Variants in AIMP1 observed in about 807,000 individuals in gnomAD.
AIMP1 encodes the protein aminoacyl tRNA synthase complex-interacting multifunctional protein 1.
AIMP1 carries 24 observed loss-of-function variants against 33.1 expected under a neutral mutation model. The ratio of observed to expected loss-of-function variants is 0.73; its 90% CI spans 0.53 to 1.02. The LOEUF (loss-of-function observed/expected upper bound fraction) is 1.02. Among genes scored for constraint, AIMP1 ranks in the 50% least tolerant of loss-of-function variants. AIMP1 has a pLI of 0.00. For synonymous variants in AIMP1, 120 were observed against 121.5 expected (o/e 0.99, Z 0.08); for missense variants, 367 against 364.8 (o/e 1.01, Z -0.05).
chr4:106,329,983 A>G (rs541525482), intron 4 of AIMP1, among the ~76,000 whole-genome samples: 1 of 151,942 alleles, frequency 6.6e-6, no homozygotes, highest in Admixed American at 6.6e-5. Flanking sequence ...GGGGTTCACC[A>G]TATTGGTCAG....
chr4:106,329,772 CTTTTTTTTTTTTTTTTTTT>C (rs59016309), intron 4 of AIMP1, among the ~76,000 whole-genome samples: 2 of 53,064 alleles, frequency 3.8e-5, no homozygotes, highest in Non-Finnish European at 3.8e-5. Context: ...TGCTACATAT[CTTTTTTTTTTTTTTTTTTT>C]TTTTTTTTTT....
At chr4:106,324,362 C>T (rs1446184470) in intron 1 of AIMP1, among the ~76,000 whole-genome samples, 3 of 151,932 alleles carry the variant, frequency 2.0e-5, no homozygotes, top group Non-Finnish European at 4.4e-5. Context: ...TGCTTACATA[C>T]ATTTTTCTGT....
Position 106,348,521 on chromosome 4 carries a change from T to C in AIMP1, c.*829T>C, listed in dbSNP as rs1770387055. 6.6e-6 allele frequency: 1 copy of C among 152,230 alleles called. No homozygotes were observed. The highest frequency in any genetic ancestry group is 1.9e-4 in the East Asian group (1 of 5,184). 9.4% of individuals were successfully genotyped at this position (152,230 alleles called of 1,614,324 possible). A position where few individuals can be genotyped will look rare whatever the true frequency, so the allele number is the denominator to read the frequency against. ...CAGACTGATATTTTGCTTTTTCATGTGTCATCATACTGTCAGTATATTAAA... is the reference window on the plus strand; with the variant it reads ...CAGACTGATATTTTGCTTTTTCATGCGTCATCATACTGTCAGTATATTAAA... On this transcript the variant is annotated 3_prime_UTR_variant, in exon 7 of 7. Coordinates refer to ENST00000672341, the MANE Select transcript of AIMP1 (RefSeq NM_001142416.2).
chr4:106,326,293 A>G (rs1769451141), intron 2 of AIMP1, among the ~76,000 whole-genome samples: 1 of 152,228 alleles, frequency 6.6e-6, no homozygotes, highest in African/African-American at 2.4e-5. Flanking sequence ...TAGGATTTTT[A>G]CTTATACAAA....
intron 1 of AIMP1, among the ~76,000 whole-genome samples, chr4:106,322,296 T>A (rs896750397): frequency 6.9e-5 from 10 of 144,878 alleles, no homozygotes; most frequent in East Asian, 6.1e-4. Flanking sequence ...CTAAAAAAAA[T>A]TAAAAAAAAA....
intron 6 of AIMP1, among the ~76,000 whole-genome samples, chr4:106,339,839 T>A (rs1770027675): frequency 6.6e-6 from 1 of 152,212 alleles, no homozygotes; most frequent in Non-Finnish European, 1.5e-5. Context: ...CATATGTTTT[T>A]ACTCAAATTC....
rs562798705 is a variant in AIMP1, at chr4:106,341,692, C to G, written c.772+4655C>G. ...TACCCTTCTGTTTTGGTTACTGTAGCCTTGTAGTATAGTTTGAAGTTGGGT... is the reference window on the plus strand; with the variant it reads ...TACCCTTCTGTTTTGGTTACTGTAGGCTTGTAGTATAGTTTGAAGTTGGGT... On this transcript the variant is annotated intron_variant, in intron 6 of 6. Coordinates refer to ENST00000672341, the MANE Select transcript of AIMP1 (RefSeq NM_001142416.2). 1.1e-4 allele frequency among the ~76,000 whole-genome samples: 17 copies of G among 152,094 alleles called. No homozygotes were observed. The South Asian group carries it at 1.7e-3, about 15-fold the overall frequency.
At chr4:106,347,027 CAA>C (rs1456943319) in intron 6 of AIMP1, among the ~76,000 whole-genome samples, 23 of 152,108 alleles carry the variant, frequency 1.5e-4, no homozygotes, top group African/African-American at 4.1e-4. Context: ...GGAGCAGGAC[CAA>C]GAGAGAGAGC....
At position 106,328,194 on chromosome 4, in the gene AIMP1, AG is replaced by A; in HGVS notation, c.344del (p.Gly115GlufsTer27). ...CTTCTGGTACCAAAGAACAGATAAA[AG>A]GAGGAACAGGAGACGAAAAGAAAGC... is the stretch of plus-strand genomic sequence containing the variant. ...VSSGTKEQIK[G>X]GTGDEKKAKE... On this transcript the variant is annotated frameshift_variant, in exon 4 of 7. Transcript: ENST00000672341. LOFTEE classifies it high-confidence loss of function. The A allele has an allele frequency of 6.2e-7, 1 of 1,612,490 alleles. No individual in the cohort carries two copies. Among genetic ancestry groups the A allele is most frequent in the Non-Finnish European group, 8.5e-7 (1 of 1,178,806 alleles).
intron 5 of AIMP1, among the ~76,000 whole-genome samples, chr4:106,335,916 A>G (rs1769855632): frequency 1.3e-5 from 2 of 151,918 alleles, no homozygotes; most frequent in South Asian, 4.1e-4. Flanking sequence ...GAAAAAAATT[A>G]AGACACTTCA....
chr4:106,343,688 A>G (rs185950539), intron 6 of AIMP1, among the ~76,000 whole-genome samples: 27 of 152,272 alleles, frequency 1.8e-4, no homozygotes, highest in Non-Finnish European at 2.8e-4. Context: ...TTCATGGAGC[A>G]TATGCTCACC....
chr4:106,336,131 C>G (rs1769868964), intron 5 of AIMP1, among the ~76,000 whole-genome samples: 1 of 139,756 alleles, frequency 7.2e-6, no homozygotes, highest in Non-Finnish European at 1.5e-5. Flanking sequence ...CCTCCAGGCT[C>G]AAGCGATCCT....
intron 1 of AIMP1, 135 bp downstream of exon 1, chr4:106,316,729 A>G: frequency 1.3e-6 from 1 of 750,750 alleles, no homozygotes; most frequent in South Asian, 2.1e-5. Context: ...CAGCAGGACC[A>G]GCCCTGGCCT....
chr4:106,343,466 C>G (rs1770178650), intron 6 of AIMP1, among the ~76,000 whole-genome samples: 2 of 152,108 alleles, frequency 1.3e-5, no homozygotes, highest in African/African-American at 4.8e-5. Flanking sequence ...CTCATTTCTA[C>G]TCTCCTAATC....
intron 5 of AIMP1, among the ~76,000 whole-genome samples, chr4:106,334,395 G>T (rs941469962): frequency 3.3e-5 from 5 of 151,188 alleles, no homozygotes; most frequent in Non-Finnish European, 5.9e-5. Context: ...CTGCCGAGTA[G>T]CCAGGATTAC....
At position 106,347,580 on chromosome 4, in the gene AIMP1, CT is replaced by C. The variant is rs748985686; in HGVS notation, c.828del (p.Asp277IlefsTer19). 24 of 1,613,294 alleles carry C rather than the reference CT, an allele frequency of 1.5e-5. No homozygotes were observed. Among genetic ancestry groups the C allele is most frequent in the African/African-American group, 2.7e-5 (2 of 74,870 alleles). On this transcript the variant is annotated frameshift_variant, in exon 7 of 7. Coordinates refer to ENST00000672341, the MANE Select transcript of AIMP1 (RefSeq NM_001142416.2). LOFTEE classifies it high-confidence loss of function. Reference protein sequence around the residue: ...PKKKIWEQIQPDLHTNDECVA... With the variant: ...PKKKIWEQIQXDLHTNDECVA... ...AAGAAGATTTGGGAGCAGATCCAGC[CT>C]GATCTTCACACTAATGATGAGTGTG... is the stretch of plus-strand genomic sequence containing the variant.
chr4:106,338,710 C>A (rs1418701636), intron 6 of AIMP1, among the ~76,000 whole-genome samples: 1 of 152,206 alleles, frequency 6.6e-6, no homozygotes, highest in Admixed American at 6.5e-5. Context: ...CCCACTGGGG[C>A]ACTGCCTAGT....
At chr4:106,339,381 G>A (rs1770011174) in intron 6 of AIMP1, among the ~76,000 whole-genome samples, 1 of 152,276 alleles carries the variant, frequency 6.6e-6, no homozygotes, top group Admixed American at 6.5e-5. Flanking sequence ...TTGAATCCTG[G>A]GGGAGGGTTT....
Position 106,337,010 on chromosome 4 carries a change from G to A in AIMP1, c.745G>A (p.Asp249Asn). ...LAPPNGSVPG[D>N]RITFDAFPGE... is the part of the protein sequence containing the mutation. ...TCCTCCAAATGGGTCTGTTCCTGGA[G>A]ACAGAATTACTTTTGATGCTTTCCC... The change falls in exon 6 of 7, where the codon GAC (aspartate) becomes AAC (asparagine). Residue 249 changes from aspartate (D) to asparagine (N), a missense_variant. By Grantham distance (23) the Asp-to-Asn change is conservative. Transcript: ENST00000672341. 1.9e-6 allele frequency: 3 copies of A among 1,614,100 alleles called. No homozygotes were observed. Among genetic ancestry groups the A allele is most frequent in the Non-Finnish European group, 2.5e-6 (3 of 1,179,972 alleles).
Sources: gnomAD v4.1 joint callset for allele counts (sites outside exome capture counted in the v4.1 genomes callset) on GRCh38, gnomAD v4.1.1 for gene constraint, MANE v1.5 for transcripts, NCBI Gene and HGNC (gene_info 2026-07-23, HGNC 2026-07-21) for gene names.